DNAJC5G: variants seen among roughly 807,000 people sequenced by gnomAD.
DNAJC5G encodes the protein dnaJ homolog subfamily C member 5G.
DNAJC5G carries 13 observed loss-of-function variants against 19.1 expected under a neutral mutation model. The observed-to-expected ratio is 0.68, with a 90% confidence interval of 0.44 to 1.08. The LOEUF (loss-of-function observed/expected upper bound fraction) is 1.08, where lower values mean the gene tolerates loss of function less well. Ranked by LOEUF, DNAJC5G falls within the 50% of genes least tolerant of loss-of-function variation. The pLI is 0.00. For synonymous variants in DNAJC5G, 81 were observed against 84.4 expected (o/e 0.96, Z 0.22); for missense variants, 245 against 230.4 (o/e 1.06, Z -0.41).
chr2:27,280,229 A>C lies in DNAJC5G; in HGVS notation c.*14A>C, dbSNP rs1399035333. 6.2e-6 allele frequency: 10 copies of C among 1,613,784 alleles called. No individual in the cohort carries two copies. Among genetic ancestry groups the C allele is most frequent in the Non-Finnish European group, 5.1e-6 (6 of 1,179,810 alleles). Reference sequence around the variant, plus strand: ...GATGATTTTTAAGAGATGAAGAAGGATGAGGTATGTAAACCGAAAGGCAGC... The same window carrying C: ...GATGATTTTTAAGAGATGAAGAAGGCTGAGGTATGTAAACCGAAAGGCAGC... On this transcript the variant is annotated 3_prime_UTR_variant, in exon 6 of 7. Transcript: ENST00000296097.
Position 27,280,947 on chromosome 2 carries a change from C to T in DNAJC5G, c.*537C>T, listed in dbSNP as rs1207168975. 1 of 152,378 alleles carries T rather than the reference C, an allele frequency of 6.6e-6. No homozygotes were observed. Among genetic ancestry groups the T allele is most frequent in the Non-Finnish European group, 1.5e-5 (1 of 68,074 alleles). The allele number at this position is 152,378 out of a possible 1,614,324, so 9.4% of individuals were successfully genotyped here. A position where few individuals can be genotyped will look rare whatever the true frequency, so the allele number is the denominator to read the frequency against. ...CAGCCTCATTCCTAAGCCAATAACGCCTGTATGGAGTTGGTTTCATCTTCT... is the reference window on the plus strand; with the variant it reads ...CAGCCTCATTCCTAAGCCAATAACGTCTGTATGGAGTTGGTTTCATCTTCT... On this transcript the variant is annotated 3_prime_UTR_variant, in exon 7 of 7. Coordinates refer to ENST00000296097, the MANE Select transcript of DNAJC5G (RefSeq NM_173650.3).
At chr2:27,277,610 G>C in intron 3 of DNAJC5G, 144 bp from the exon 4 acceptor site, 2 of 1,120,662 alleles carry the variant, frequency 1.8e-6, no homozygotes, top group Non-Finnish European at 2.5e-6. Context: ...GGGGCCAAAT[G>C]GCACCATCAC....
At chr2:27,275,861 TCCCCACCCCCGCCCCCGCCCCCGC>T (rs1430546452) in intron 1 of DNAJC5G, 2 of 122,556 alleles carry the variant, frequency 1.6e-5, no homozygotes, top group East Asian at 4.4e-4. Flanking sequence ...CTGCAAGCAC[TCCCCACCCCCGCCCCCGCCCCCGC>T]CCCCGCCCCC....
intron 2 of DNAJC5G, 23 bp from the exon 3 acceptor site, chr2:27,276,703 A>C (rs747865057): frequency 8.7e-6 from 14 of 1,606,802 alleles, no homozygotes; most frequent in Non-Finnish European, 1.2e-5. Context: ...GTTCTCACAG[A>C]TGCTGCTTCT....
chr2:27,278,444 G>A (rs1678213133), intron 5 of DNAJC5G, 112 bp downstream of exon 5: 1 of 1,443,180 alleles, frequency 6.9e-7, no homozygotes, highest in Admixed American at 2.2e-5. Context: ...ACTTTGGGAG[G>A]GTGAGGCGGG....
At chr2:27,278,704 A>AAG (rs2148177690) in intron 5 of DNAJC5G, among the ~76,000 whole-genome samples, 1 of 145,340 alleles carries the variant, frequency 6.9e-6, no homozygotes, top group African/African-American at 2.6e-5. Flanking sequence ...AAAAAAAAAA[A>AAG]AAAAGAAAAG....
chr2:27,277,530 G>A (rs1311842074), intron 3 of DNAJC5G, among the ~76,000 whole-genome samples: 4 of 152,178 alleles, frequency 2.6e-5, no homozygotes, highest in Non-Finnish European at 4.4e-5. Context: ...CCAAAGCGCT[G>A]GGATTACAGG....
chr2:27,277,086 CGT>C (rs1678127060), intron 3 of DNAJC5G, among the ~76,000 whole-genome samples: 1 of 151,968 alleles, frequency 6.6e-6, no homozygotes, highest in Non-Finnish European at 1.5e-5. Flanking sequence ...GGACTACAGG[CGT>C]GCACCACCAC....
At chr2:27,280,395 T>C in intron 6 of DNAJC5G, 34 bp from the exon 7 acceptor site, 1 of 644,032 alleles carries the variant, frequency 1.6e-6, no homozygotes, top group South Asian at 1.9e-5. Flanking sequence ...TTATTCCTTC[T>C]GATTAATAAA....
intron 5 of DNAJC5G, among the ~76,000 whole-genome samples, chr2:27,279,676 C>T (rs945612695): frequency 7.3e-5 from 11 of 151,204 alleles, no homozygotes; most frequent in Admixed American, 1.3e-4. Context: ...CTTTGGGGAG[C>T]CAAGGTGGGC....
chr2:27,279,295 G>A (rs1386641849), intron 5 of DNAJC5G, among the ~76,000 whole-genome samples: 1 of 151,148 alleles, frequency 6.6e-6, no homozygotes, highest in Non-Finnish European at 1.5e-5. Context: ...TTGTTGTTTT[G>A]TTGTTGTTGG....
rs2148175547 is a variant in DNAJC5G at position 27,277,789 on chromosome 2, A to G, written c.149A>G (p.Tyr50Cys). The change falls in exon 4 of 7, where the codon TAT becomes TGT. Residue 50 changes from tyrosine (Y) to cysteine (C), a missense_variant. Tyr to Cys is a radical substitution (Grantham distance 194, BLOSUM62 -2). Transcript: ENST00000296097. The part of the protein sequence containing the change: ...SALLPHPPFE[Y>C]HLGRKLALRY... The stretch of plus-strand genomic sequence containing the variant: ...TTGCTTCCCCACCCTCCTTTTGAGT[A>G]TCACCTGGGTAGGAAACTGGCCTTG... 1 of 1,614,080 alleles carries G rather than the reference A, an allele frequency of 6.2e-7. No individual in the cohort carries two copies. The highest frequency in any genetic ancestry group is 1.3e-5 in the African/African-American group (1 of 75,018).
intron 3 of DNAJC5G, among the ~76,000 whole-genome samples, chr2:27,277,527 G>A (rs539855122): frequency 7.2e-5 from 11 of 152,272 alleles, no homozygotes; most frequent in Admixed American, 3.9e-4. Context: ...CTCCCAAAGC[G>A]CTGGGATTAC....
At chr2:27,277,314 G>A (rs1678142806) in intron 3 of DNAJC5G, among the ~76,000 whole-genome samples, 1 of 151,888 alleles carries the variant, frequency 6.6e-6, no homozygotes, top group Admixed American at 6.6e-5. Flanking sequence ...CCAAGCTGTA[G>A]TGCAGTGGTG....
At position 27,278,031 on chromosome 2, in the gene DNAJC5G, G is replaced by T. The variant is rs751475483; in HGVS notation, c.375+16G>T. The T allele has an allele frequency of 9.3e-6, 15 of 1,611,762 alleles. No individual in the cohort carries two copies. Among genetic ancestry groups the T allele is most frequent in the Admixed American group, 1.7e-5 (1 of 59,722 alleles). ...TTGGTTCAAGGTACACAATTCTCCA[G>T]GTCCTTTAAGAATAAGGAAAGAAGG... On this transcript the variant is annotated intron_variant, in intron 4 of 6. Transcript: ENST00000296097.
In DNAJC5G at chr2:27,276,814, C is replaced by G; in HGVS notation, c.86C>G (p.Ser29Ter). The G allele has an allele frequency of 6.2e-7, 1 of 1,614,034 alleles. No individual in the cohort carries two copies. The highest frequency in any genetic ancestry group is 8.5e-7 in the Non-Finnish European group (1 of 1,179,994). ...GTGCTGGATCTTAAGAAGGGCGCCTCACCTGAAGACTTCAAAAAATCCTAC... is the reference window on the plus strand; with the variant it reads ...GTGCTGGATCTTAAGAAGGGCGCCTGACCTGAAGACTTCAAAAAATCCTAC... ...YAVLDLKKGA[S>*]PEDFKKSYSH... is the part of the protein sequence containing the mutation. Residue 29 changes from serine (S) to a stop codon, truncating the protein, a stop_gained, in exon 3 of 7, where the codon TCA becomes TGA. Coordinates refer to ENST00000296097, the MANE Select transcript of DNAJC5G (RefSeq NM_173650.3). LOFTEE classifies it high-confidence loss of function.
rs751475483 is a variant in DNAJC5G, at chr2:27,278,031, G to C, written c.375+16G>C. The C allele has an allele frequency of 6.2e-7, 1 of 1,611,762 alleles. No individual in the cohort carries two copies. The highest frequency in any genetic ancestry group is 1.3e-5 in the African/African-American group (1 of 74,722). ...TTGGTTCAAGGTACACAATTCTCCA[G>C]GTCCTTTAAGAATAAGGAAAGAAGG... is the stretch of plus-strand genomic sequence containing the variant. On this transcript the variant is annotated intron_variant, in intron 4 of 6. Transcript: ENST00000296097.
intron 2 of DNAJC5G, 110 bp downstream of exon 2, chr2:27,276,497 C>T: frequency 2.1e-6 from 1 of 479,530 alleles, no homozygotes; most frequent in South Asian, 2.4e-5. Context: ...CTGGAGGATG[C>T]TGGGAAATGT....
Position 27,278,360 on chromosome 2 carries a change from G to C in DNAJC5G, c.520+28G>C, listed in dbSNP as rs1678209476. On this transcript the variant is annotated intron_variant, in intron 5 of 6. Transcript: ENST00000296097. ...GAGAACTGCAAGCAGGGACTGTGAGGTAAGAAATGTCTGGATTGGGAATGA... is the reference window on the plus strand; with the variant it reads ...GAGAACTGCAAGCAGGGACTGTGAGCTAAGAAATGTCTGGATTGGGAATGA... 3 of 1,612,992 alleles carry C rather than the reference G, an allele frequency of 1.9e-6. No individual in the cohort carries two copies. In the East Asian group the frequency reaches 6.7e-5, roughly 36 times the overall value.
Sources: gnomAD v4.1 joint callset for allele counts (sites outside exome capture counted in the v4.1 genomes callset) on GRCh38, gnomAD v4.1.1 for gene constraint, MANE v1.5 for transcripts, NCBI Gene and HGNC (gene_info 2026-07-23, HGNC 2026-07-21) for gene names.